TRIM29: variants seen among roughly 807,000 people sequenced by gnomAD.
The protein encoded by TRIM29 is tripartite motif containing 29, also known as tripartite motif-containing protein 29.
Under a neutral mutation model 57.3 loss-of-function variants are expected in TRIM29, and 52 were observed. That is an observed-to-expected ratio of 0.91 (90% CI 0.73 to 1.14). The LOEUF (loss-of-function observed/expected upper bound fraction) is 1.14, where lower values mean the gene tolerates loss of function less well. Ranked by LOEUF, TRIM29 falls within the 50% of genes most tolerant of loss-of-function variation. The pLI is 0.00. For synonymous variants in TRIM29, 319 were observed against 316.9 expected, an observed-to-expected ratio of 1.01 and a Z score of -0.07; for missense variants, 753 against 774.6, an observed-to-expected ratio of 0.97 and a Z score of 0.33.
intron 7 of TRIM29, chr11:120,117,606 G>A (rs1353213927): frequency 3.8e-5 from 6 of 156,260 alleles, no homozygotes; most frequent in Non-Finnish European, 1.4e-5. Context: ...AGGGTCTGGG[G>A]CCCATAGCCA....
Position 120,112,018 on chromosome 11 carries a change from T to G in TRIM29, c.*396A>C. 1 of 236,408 alleles carries G rather than the reference T, an allele frequency of 4.2e-6. No homozygotes were observed. The highest frequency in any genetic ancestry group is 8.4e-6 in the Non-Finnish European group (1 of 119,740). 14.6% of individuals were successfully genotyped at this position (236,408 alleles called of 1,614,324 possible). A position where few individuals can be genotyped will look rare whatever the true frequency, so the allele number is the denominator to read the frequency against. On this transcript the variant is annotated 3_prime_UTR_variant, in exon 9 of 9. Coordinates refer to ENST00000341846, the MANE Select transcript of TRIM29 (RefSeq NM_012101.4). ...GGGGATAGGGCCTTGGAGAGAAACG[T>G]CTATAGGCCTGGAGACAGCAGGGCG...
intron 1 of TRIM29, among the ~76,000 whole-genome samples, chr11:120,134,068 A>G (rs1378360611): frequency 6.6e-6 from 1 of 152,072 alleles, no homozygotes; most frequent in Non-Finnish European, 1.5e-5. Flanking sequence ...TGTACATTTC[A>G]ATCTCACCCA....
At chr11:120,118,882 A>C (rs7127949) in intron 6 of TRIM29, 46,974 of 152,560 alleles carry the variant, frequency 0.31, 7,719 homozygotes, top group Non-Finnish European at 0.35. Context: ...TCGTCCTGCA[A>C]CCCCTACCCT....
chr11:120,122,855 C>G, intron 5 of TRIM29, 99 bp downstream of exon 5: 1 of 911,142 alleles, frequency 1.1e-6, no homozygotes, highest in Non-Finnish European at 1.8e-6. Context: ...GCCATCACCC[C>G]CACTCAGAAG....
intron 1 of TRIM29, 54 bp from the exon 2 acceptor site, chr11:120,128,549 C>A (rs965083251): frequency 5.7e-6 from 9 of 1,573,184 alleles, no homozygotes; most frequent in Non-Finnish European, 7.8e-6. Flanking sequence ...TGGAAGAGAA[C>A]CAGAGAACCA....
intron 3 of TRIM29, 172 bp from the exon 4 acceptor site, chr11:120,126,061 T>C: frequency 3.0e-6 from 2 of 662,070 alleles, no homozygotes; most frequent in South Asian, 2.0e-5. Flanking sequence ...TAAAAGCCAC[T>C]GGATGCTAAC....
intron 1 of TRIM29, among the ~76,000 whole-genome samples, chr11:120,131,760 A>AG (rs1435330201): frequency 6.6e-6 from 1 of 151,572 alleles, no homozygotes; most frequent in Non-Finnish European, 1.5e-5. Context: ...GTGTCTGTTC[A>AG]GCTCTTGGCA....
rs1863136930 is a variant in TRIM29, at chr11:120,111,633, T to C, written c.*781A>G. On this transcript the variant is annotated 3_prime_UTR_variant, in exon 9 of 9. Coordinates refer to ENST00000341846, the MANE Select transcript of TRIM29 (RefSeq NM_012101.4). ...AATTCTGTAGGCAAATGGTAAATGGTAGCTGGGCCAGTAGCTATTTGCATG... is the reference window on the plus strand; with the variant it reads ...AATTCTGTAGGCAAATGGTAAATGGCAGCTGGGCCAGTAGCTATTTGCATG... 1 of 152,242 alleles carries C rather than the reference T, an allele frequency of 6.6e-6. No homozygotes were observed. Among genetic ancestry groups the C allele is most frequent in the Non-Finnish European group, 1.5e-5 (1 of 68,064 alleles). 9.4% of individuals were successfully genotyped at this position (152,242 alleles called of 1,614,324 possible). A position where few individuals can be genotyped will look rare whatever the true frequency, so the allele number is the denominator to read the frequency against.
At chr11:120,121,111 C>T (rs1376709398) in intron 5 of TRIM29, among the ~76,000 whole-genome samples, 1 of 152,150 alleles carries the variant, frequency 6.6e-6, no homozygotes, top group Non-Finnish European at 1.5e-5. Context: ...ACTGATACCA[C>T]CACCGATACC....
chr11:120,132,073 C>G (rs1445348023), intron 1 of TRIM29, among the ~76,000 whole-genome samples: 1 of 151,580 alleles, frequency 6.6e-6, no homozygotes, highest in African/African-American at 2.4e-5. Flanking sequence ...CTTCAAGAGG[C>G]GCACCTAGAG....
chr11:120,113,409 G>T, intron 8 of TRIM29: 1 of 304,370 alleles, frequency 3.3e-6, no homozygotes, highest in Non-Finnish European at 6.6e-6. Flanking sequence ...GCTCACCCAC[G>T]CAAGCACCAT....
chr11:120,120,897 G>A, intron 5 of TRIM29: 7 of 628,544 alleles, frequency 1.1e-5, no homozygotes, highest in South Asian at 9.2e-5. Flanking sequence ...AACTTGGAGA[G>A]GCCATGGCAA....
At chr11:120,122,914 A>G in intron 5 of TRIM29, 40 bp downstream of exon 5, 1 of 1,583,518 alleles carries the variant, frequency 6.3e-7, no homozygotes, top group Non-Finnish European at 8.7e-7. Context: ...CCTGGGCAGC[A>G]GGAGAGACAC....
chr11:120,124,964 CA>C (rs1370878171), intron 4 of TRIM29: 1 of 152,438 alleles, frequency 6.6e-6, no homozygotes, highest in Non-Finnish European at 1.5e-5. Context: ...AGGCCCCGTG[CA>C]ACGCCTGGGA....
chr11:120,133,538 C>T (rs1863758227), intron 1 of TRIM29, among the ~76,000 whole-genome samples: 2 of 152,106 alleles, frequency 1.3e-5, no homozygotes, highest in South Asian at 2.1e-4. Flanking sequence ...GGCCCCCCTA[C>T]CTCCTTTCTC....
At chr11:120,120,286 A>T (rs1863400551) in intron 6 of TRIM29, among the ~76,000 whole-genome samples, 1 of 151,238 alleles carries the variant, frequency 6.6e-6, no homozygotes, top group Non-Finnish European at 1.5e-5. Flanking sequence ...ATCTCCAGGG[A>T]TGCCGAGATT....
chr11:120,128,560 G>C (rs1863650533), intron 1 of TRIM29, 65 bp from the exon 2 acceptor site: 1 of 1,553,544 alleles, frequency 6.4e-7, no homozygotes, highest in East Asian at 2.3e-5. Context: ...CAGAGAACCA[G>C]GGAGCGGCTC....
At chr11:120,129,844 T>G (rs1196944537) in intron 1 of TRIM29, among the ~76,000 whole-genome samples, 2 of 151,878 alleles carry the variant, frequency 1.3e-5, no homozygotes, top group Non-Finnish European at 2.9e-5. Flanking sequence ...ATTCCTGGAC[T>G]CTCCAGGCAG....
rs758787918 is a variant in TRIM29 at position 120,137,403 on chromosome 11, T to C, written c.629A>G (p.Asp210Gly). 2 of 1,611,880 alleles carry C rather than the reference T, an allele frequency of 1.2e-6. No individual in the cohort carries two copies. Among genetic ancestry groups the C allele is most frequent in the Non-Finnish European group, 1.7e-6 (2 of 1,179,978 alleles). ...CCGGATGGGCTCGAGCAGCTGGTGG[T>C]CTCGGAAGGCGGCGCCCTCCAGGTG... ...KPHLEGAAFR[D>G]HQLLEPIRDF... Residue 210 changes from aspartate (D) to glycine (G), a missense_variant, in exon 1 of 9, where the codon GAC becomes GGC. Coordinates refer to ENST00000341846, the MANE Select transcript of TRIM29 (RefSeq NM_012101.4). This position sits in a 1 kb window ranked among gnomAD's most constrained non-coding sequence, Gnocchi z 6.2.
Sources: gnomAD v4.1 joint callset for allele counts (sites outside exome capture counted in the v4.1 genomes callset) on GRCh38, gnomAD v4.1.1 for gene constraint, Gnocchi (gnomAD v3.1) non-coding constraint, MANE v1.5 for transcripts, NCBI Gene and HGNC (gene_info 2026-07-23, HGNC 2026-07-21) for gene names.